Variants in TMCO4 observed in about 807,000 individuals in gnomAD.
TMCO4 encodes transmembrane and coiled-coil domains 4, also known as transmembrane and coiled-coil domain-containing protein 4.
A neutral mutation model predicts 64.7 loss-of-function variants in TMCO4; 58 were observed. The ratio of observed to expected loss-of-function variants is 0.90; its 90% CI spans 0.73 to 1.12. TMCO4 has a LOEUF of 1.12. Ranked by LOEUF, TMCO4 falls within the 50% of genes most tolerant of loss-of-function variation. The pLI is 0.00. For missense variants in TMCO4, 780 were observed against 825.9 expected (o/e 0.94, Z 0.68); for synonymous variants, 325 against 346.1 (o/e 0.94, Z 0.68).
intron 6 of TMCO4, among the ~76,000 whole-genome samples, chr1:19,767,631 C>T (rs1187546773): frequency 6.6e-6 from 1 of 152,100 alleles, no homozygotes; most frequent in African/African-American, 2.4e-5. Context: ...AGTTAGATTC[C>T]GGGGCCAAGG....
intron 10 of TMCO4, among the ~76,000 whole-genome samples, chr1:19,741,365 C>T (rs1257207630): frequency 6.6e-6 from 1 of 152,200 alleles, no homozygotes; most frequent in Non-Finnish European, 1.5e-5. Flanking sequence ...CGAGAGCATA[C>T]AATGGGACAA....
At chr1:19,685,710 C>CTTGTTTT (rs2095142285) in intron 15 of TMCO4, among the ~76,000 whole-genome samples, 1 of 106,616 alleles carries the variant, frequency 9.4e-6, no homozygotes, top group Non-Finnish European at 1.9e-5. Flanking sequence ...AGGCCTGTTT[C>CTTGTTTT]TTTTTTTTTT....
intron 14 of TMCO4, among the ~76,000 whole-genome samples, chr1:19,696,333 C>G (rs868312472): frequency 1.3e-5 from 2 of 151,994 alleles, no homozygotes; most frequent in Non-Finnish European, 2.9e-5. Flanking sequence ...GAGGATTGCT[C>G]GGGCCCAGGC....
intron 8 of TMCO4, 107 bp downstream of exon 8, chr1:19,747,056 G>A: frequency 8.8e-7 from 1 of 1,134,136 alleles, no homozygotes; most frequent in South Asian, 1.3e-5. Flanking sequence ...CATGCCAGGG[G>A]CCACCTCCCA....
intron 7 of TMCO4, among the ~76,000 whole-genome samples, chr1:19,754,063 A>C (rs1488836526): frequency 6.6e-6 from 1 of 152,110 alleles, no homozygotes; most frequent in Middle Eastern, 3.2e-3. Context: ...TATTATCCCC[A>C]TTTTACAGGT....
intron 14 of TMCO4, among the ~76,000 whole-genome samples, chr1:19,697,859 C>T (rs943463084): frequency 2.0e-5 from 3 of 151,658 alleles, no homozygotes; most frequent in African/African-American, 7.3e-5. Flanking sequence ...AGCGATCCTC[C>T]TGCCTTGGCC....
rs939062812 is a variant in TMCO4 at position 19,700,897 on chromosome 1, C to T, written c.1265-12G>A. ...GATTCCTTGGCAATCTGGCAAAAGA[C>T]CCCAGAAAAGGCCGTCAGTGTCCCT... On this transcript the variant is annotated splice_polypyrimidine_tract_variant and intron_variant, in intron 13 of 15. Coordinates refer to ENST00000294543, the MANE Select transcript of TMCO4 (RefSeq NM_181719.7). The T allele has an allele frequency of 1.9e-6, 3 of 1,612,898 alleles. No individual in the cohort carries two copies. Among genetic ancestry groups the T allele is most frequent in the African/African-American group, 1.3e-5 (1 of 74,924 alleles).
chr1:19,706,220 G>C (rs879717621), intron 13 of TMCO4, among the ~76,000 whole-genome samples: 1 of 152,178 alleles, frequency 6.6e-6, no homozygotes, highest in Non-Finnish European at 1.5e-5. Context: ...ACCACTTGCA[G>C]TGTCAAGCAA....
intron 13 of TMCO4, among the ~76,000 whole-genome samples, chr1:19,726,842 C>A (rs2095410857): frequency 6.6e-6 from 1 of 152,130 alleles, no homozygotes; most frequent in Admixed American, 6.5e-5. Context: ...TGAATTTGGG[C>A]CTGTTTGTGT....
intron 2 of TMCO4, among the ~76,000 whole-genome samples, chr1:19,790,948 TAC>T (rs200652712): frequency 0.015 from 2,310 of 152,288 alleles, 56 homozygotes; most frequent in African/African-American, 0.053. Flanking sequence ...GAAAATGTGG[TAC>T]ATATACACCA....
chr1:19,788,629 G>A (rs1301514648), intron 2 of TMCO4, among the ~76,000 whole-genome samples: 1 of 152,108 alleles, frequency 6.6e-6, no homozygotes, highest in Non-Finnish European at 1.5e-5. Context: ...TTCCAACCCT[G>A]TGTCCAGTGA....
chr1:19,770,507 A>AC, intron 6 of TMCO4, 35 bp downstream of exon 6: 1 of 1,613,270 alleles, frequency 6.2e-7, no homozygotes, highest in Non-Finnish European at 8.5e-7. Context: ...GCAGATGGGT[A>AC]CCCACCATTT....
chr1:19,785,646 T>C (rs896652882), intron 3 of TMCO4, among the ~76,000 whole-genome samples: 2 of 152,186 alleles, frequency 1.3e-5, no homozygotes, highest in African/African-American at 4.8e-5. Flanking sequence ...CAATACATAA[T>C]GACAAAGCGA....
rs138824293 is a variant in TMCO4, at chr1:19,766,832, C to T, written c.382+3710G>A. Among the ~76,000 whole-genome samples the T allele has an allele frequency of 5.3e-4, 81 of 152,292 alleles. No homozygotes were observed. The East Asian group carries it at 0.013, about 24-fold the overall frequency. ...AGATAAAGAGGTTGGACATGACAAC[C>T]GTCAGCAAACCACTTCCCCCTCTAG... On this transcript the variant is annotated intron_variant, in intron 6 of 15. Coordinates refer to ENST00000294543, the MANE Select transcript of TMCO4 (RefSeq NM_181719.7).
In TMCO4 at chr1:19,703,844, G is replaced by A. The variant is rs116774354; in HGVS notation, c.1265-2959C>T. 5.5e-3 allele frequency among the ~76,000 whole-genome samples: 837 copies of A among 152,236 alleles called. 5 individuals are homozygous for A. Among genetic ancestry groups the A allele is most frequent in the African/African-American group, 0.018 (760 of 41,540 alleles). On this transcript the variant is annotated intron_variant, in intron 13 of 15. Coordinates refer to ENST00000294543, the MANE Select transcript of TMCO4 (RefSeq NM_181719.7). ...ATTACAGGCATGAACCACCACGCCC[G>A]TCCAGCTCTTTCTTATGGTCTGAGT...
chr1:19,749,153 AGG>A (rs963520048), intron 7 of TMCO4, among the ~76,000 whole-genome samples: 2 of 152,212 alleles, frequency 1.3e-5, no homozygotes, highest in Non-Finnish European at 2.9e-5. Flanking sequence ...ATCAAGATCG[AGG>A]GTTCTAATGT....
At position 19,741,484 on chromosome 1, in the gene TMCO4, C is replaced by A. The variant is rs186396593; in HGVS notation, c.878-543G>T. On this transcript the variant is annotated intron_variant, in intron 10 of 15. Transcript: ENST00000294543. ...TGAGCCCGGCTCTGTTATGATCTTG[C>A]GGGGTCATTCAATTTTTCTGAGCCT... Among the ~76,000 whole-genome samples, 259 of 152,190 alleles carry A rather than the reference C, an allele frequency of 1.7e-3. 2 individuals are homozygous for A. Among genetic ancestry groups the A allele is most frequent in the African/African-American group, 5.8e-3 (242 of 41,524 alleles).
intron 2 of TMCO4, 125 bp downstream of exon 2, chr1:19,798,008 GAAAA>G: frequency 5.9e-6 from 1 of 170,474 alleles, no homozygotes; most frequent in Non-Finnish European, 1.1e-5. Flanking sequence ...GAAAAGAAAA[GAAAA>G]GAAAAGGAGA....
At chr1:19,684,651 A>G (rs762148838) in intron 15 of TMCO4, among the ~76,000 whole-genome samples, 3 of 152,092 alleles carry the variant, frequency 2.0e-5, no homozygotes, top group African/African-American at 7.2e-5. Context: ...GCTGGCTACA[A>G]CTCACTCTGC....
Sources: gnomAD v4.1 joint callset for allele counts (sites outside exome capture counted in the v4.1 genomes callset) on GRCh38, gnomAD v4.1.1 for gene constraint, MANE v1.5 for transcripts, NCBI Gene and HGNC (gene_info 2026-07-23, HGNC 2026-07-21) for gene names.